The following WDR64 variants were observed in gnomAD, a reference collection of about 807,000 sequenced individuals.
WDR64 encodes the protein WD repeat-containing protein 64.
WDR64 carries 112 observed loss-of-function variants against 139.3 expected under a neutral mutation model. The ratio of observed to expected loss-of-function variants is 0.80; its 90% confidence interval spans 0.69 to 0.94. The LOEUF (loss-of-function observed/expected upper bound fraction) is 0.94. Ranked by LOEUF, WDR64 falls within the 40% of genes least tolerant of loss-of-function variation. The probability of loss-of-function intolerance (pLI) is 0.00; values close to 1 mark genes in which losing one functional copy is unlikely to be tolerated. For missense variants in WDR64, 1,206 were observed against 1,293.1 expected, an observed-to-expected ratio of 0.93 and a Z score of 1.03; for synonymous variants, 444 against 437.7, an observed-to-expected ratio of 1.01 and a Z score of -0.18.
chr1:241,791,020 T>C (rs915899441), intron 25 of WDR64, among the ~76,000 whole-genome samples: 3 of 152,112 alleles, frequency 2.0e-5, no homozygotes, highest in African/African-American at 7.2e-5. Flanking sequence ...ACATGGTGGC[T>C]TACCTCTGTA....
At chr1:241,791,009 G>C (rs534605447) in intron 25 of WDR64, among the ~76,000 whole-genome samples, 11 of 152,254 alleles carry the variant, frequency 7.2e-5, no homozygotes, top group African/African-American at 2.6e-4. Flanking sequence ...CAATGGGCCA[G>C]ACATGGTGGC....
chr1:241,799,617 C>A (rs1659466986), intron 27 of WDR64, among the ~76,000 whole-genome samples: 1 of 152,076 alleles, frequency 6.6e-6, no homozygotes, highest in Non-Finnish European at 1.5e-5. Context: ...AAAACTGAAA[C>A]ACAGAGGATA....
intron 15 of WDR64, among the ~76,000 whole-genome samples, chr1:241,763,727 A>G (rs1209109668): frequency 1.3e-5 from 2 of 152,188 alleles, no homozygotes; most frequent in East Asian, 1.9e-4. Context: ...GCAAAAGTCA[A>G]TTAGGAAAAA....
chr1:241,680,374 AT>A (rs1666732267), intron 6 of WDR64, among the ~76,000 whole-genome samples: 1 of 152,174 alleles, frequency 6.6e-6, no homozygotes, highest in South Asian at 2.1e-4. Flanking sequence ...TGCCAGAATA[AT>A]TTTAAAGACA....
intron 3 of WDR64, among the ~76,000 whole-genome samples, chr1:241,673,080 C>T (rs187330495): frequency 1.1e-4 from 17 of 151,680 alleles, no homozygotes; most frequent in African/African-American, 2.9e-4. Context: ...AGCAAACTAT[C>T]GCAAGGACAA....
chr1:241,680,316 A>T (rs991388623), intron 6 of WDR64, among the ~76,000 whole-genome samples: 1 of 152,184 alleles, frequency 6.6e-6, no homozygotes, highest in Admixed American at 6.5e-5. Flanking sequence ...TTGGTAAAAA[A>T]CTAACCTTCT....
chr1:241,723,398 G>A lies in WDR64; in HGVS notation c.1156G>A (p.Glu386Lys). The A allele has an allele frequency of 6.2e-7, 1 of 1,613,710 alleles. No individual in the cohort carries two copies. Among genetic ancestry groups the A allele is most frequent in the Non-Finnish European group, 8.5e-7 (1 of 1,179,750 alleles). ...CAGTATCGCCGAGATCGTAACCAAT[G>A]AAAAAGATCAACATGTCGTCAGCCT... is the stretch of plus-strand genomic sequence containing the variant. Reference protein sequence around the residue: ...MFSIAEIVTNEKDQHVVSLSS... With the variant: ...MFSIAEIVTNKKDQHVVSLSS... Residue 386 changes from glutamate (E) to lysine (K), a missense_variant, in exon 10 of 28, where the codon GAA (glutamate) becomes AAA (lysine). Glu to Lys is a moderately conservative substitution (Grantham distance 56). Transcript: ENST00000437684.
chr1:241,728,851 T>A (rs1668961755), intron 10 of WDR64, among the ~76,000 whole-genome samples: 1 of 151,036 alleles, frequency 6.6e-6, no homozygotes, highest in Non-Finnish European at 1.5e-5. Context: ...AGGGGAGAAA[T>A]TTACATACTT....
chr1:241,681,457 CT>C (rs1364775806), intron 6 of WDR64, among the ~76,000 whole-genome samples: 1 of 152,164 alleles, frequency 6.6e-6, no homozygotes, highest in East Asian at 1.9e-4. Context: ...TAATTCATCC[CT>C]TTTTATGGCT....
At chr1:241,735,470 A>G (rs1449876394) in intron 10 of WDR64, among the ~76,000 whole-genome samples, 1 of 144,068 alleles carries the variant, frequency 6.9e-6, no homozygotes, top group Non-Finnish European at 1.5e-5. Context: ...CTCCTCTCCT[A>G]TATTTTTCTA....
chr1:241,798,478 A>G (rs985513845), intron 27 of WDR64, among the ~76,000 whole-genome samples: 1 of 152,202 alleles, frequency 6.6e-6, no homozygotes, highest in African/African-American at 2.4e-5. Context: ...CAATTTTAGA[A>G]CTCCAAAGAG....
At chr1:241,673,503 C>T (rs77941485) in intron 3 of WDR64, among the ~76,000 whole-genome samples, 4,144 of 152,164 alleles carry the variant, frequency 0.027, 107 homozygotes, top group South Asian at 0.094. Context: ...TTATCCTGCT[C>T]CATGCCATTT....
intron 22 of WDR64, 66 bp from the exon 23 acceptor site, chr1:241,783,206 G>A (rs1035537030): frequency 5.7e-5 from 78 of 1,365,036 alleles, no homozygotes; most frequent in East Asian, 2.4e-5. Context: ...AAATGATTTT[G>A]TTGAAGATTA....
At chr1:241,735,531 C>CCCTTTTTTTTTTT (rs1296893731) in intron 10 of WDR64, among the ~76,000 whole-genome samples, 26 of 96,808 alleles carry the variant, frequency 2.7e-4, no homozygotes, top group African/African-American at 1.1e-3. Flanking sequence ...CTCTCTCTCT[C>CCCTTTTTTTTTTT]TCTTTTTTTT....
intron 1 of WDR64, among the ~76,000 whole-genome samples, chr1:241,653,612 C>T (rs890092696): frequency 1.7e-4 from 26 of 148,788 alleles, no homozygotes; most frequent in Non-Finnish European, 2.8e-4. Context: ...GGTGCGATCT[C>T]GGCTCTCTGC....
intron 16 of WDR64, among the ~76,000 whole-genome samples, chr1:241,767,568 G>A (rs1658230470): frequency 6.6e-6 from 1 of 152,060 alleles, no homozygotes; most frequent in African/African-American, 2.4e-5. Flanking sequence ...AGCATTTGGG[G>A]GACGGGAAGA....
chr1:241,703,715 G>T lies in WDR64; in HGVS notation c.975-8087G>T, dbSNP rs1264884228. ...TAATCCATTTTCACACTGCTATAAA[G>T]ATACTATCTGAGACTCAATAATTTG... On this transcript the variant is annotated intron_variant, in intron 8 of 27. Coordinates refer to ENST00000437684, the MANE Select transcript of WDR64 (RefSeq NM_001367482.1). The surrounding 1 kb of genome is among the most constrained non-coding windows in gnomAD (Gnocchi z 5.9). Among the ~76,000 whole-genome samples the T allele has an allele frequency of 6.6e-6, 1 of 152,006 alleles. No homozygotes were observed. Among genetic ancestry groups the T allele is most frequent in the Non-Finnish European group, 1.5e-5 (1 of 68,020 alleles).
intron 10 of WDR64, among the ~76,000 whole-genome samples, chr1:241,731,107 C>T (rs1233050336): frequency 6.6e-6 from 1 of 152,094 alleles, no homozygotes; most frequent in Non-Finnish European, 1.5e-5. Flanking sequence ...CAAAGAGGTT[C>T]ACTACTGCTT....
At chr1:241,731,223 A>G (rs969615406) in intron 10 of WDR64, among the ~76,000 whole-genome samples, 9 of 152,140 alleles carry the variant, frequency 5.9e-5, no homozygotes, top group African/African-American at 2.2e-4. Flanking sequence ...AAAAAATGAG[A>G]CAAAGCCAGG....
Sources: gnomAD v4.1 joint callset for allele counts (sites outside exome capture counted in the v4.1 genomes callset) on GRCh38, gnomAD v4.1.1 for gene constraint, Gnocchi (gnomAD v3.1) non-coding constraint, MANE v1.5 for transcripts, NCBI Gene and HGNC (gene_info 2026-07-23, HGNC 2026-07-21) for gene names.